The following RTTN variants were observed in gnomAD, a reference collection of about 807,000 sequenced individuals.
RTTN encodes rotatin.
In RTTN, 182 loss-of-function variants were observed where a neutral mutation model predicts 269.2. The ratio of observed to expected loss-of-function variants is 0.68; its 90% CI spans 0.60 to 0.76. RTTN has a LOEUF of 0.76. RTTN is among the 30% of genes least tolerant of loss of function. RTTN has a pLI of 0.00. For missense variants in RTTN, 2,545 were observed against 2,608.6 expected, an observed-to-expected ratio of 0.98 and a Z score of 0.53; for synonymous variants, 1,006 against 963.5, an observed-to-expected ratio of 1.04 and a Z score of -0.82.
intron 37 of RTTN, 113 bp downstream of exon 37, chr18:70,057,629 A>G: frequency 1.4e-6 from 1 of 717,130 alleles, no homozygotes; most frequent in Non-Finnish European, 2.4e-6. Flanking sequence ...TCATCATACC[A>G]TGTATATTTT....
At chr18:70,180,971 A>C (rs1340865730) in intron 10 of RTTN, among the ~76,000 whole-genome samples, 1 of 152,240 alleles carries the variant, frequency 6.6e-6, no homozygotes, top group Non-Finnish European at 1.5e-5. Flanking sequence ...ATGTGAGTTA[A>C]AATAACTGTC....
intron 32 of RTTN, 145 bp from the exon 33 acceptor site, chr18:70,075,686 A>G (rs1362941275): frequency 3.4e-6 from 2 of 596,048 alleles, no homozygotes; most frequent in Non-Finnish European, 2.8e-6. Context: ...ACACAGTTAT[A>G]GCAGCCTGAC....
At chr18:70,093,304 G>A (rs988008140) in intron 28 of RTTN, among the ~76,000 whole-genome samples, 7 of 150,270 alleles carry the variant, frequency 4.7e-5, no homozygotes, top group South Asian at 2.1e-4. Flanking sequence ...GTACACAGTT[G>A]TAACTTAGAA....
intron 28 of RTTN, among the ~76,000 whole-genome samples, chr18:70,106,328 C>T (rs1028186553): frequency 1.3e-5 from 2 of 151,930 alleles, no homozygotes; most frequent in East Asian, 1.9e-4. Context: ...CTGAGCAACA[C>T]GGTAAACCCT....
intron 44 of RTTN, 146 bp downstream of exon 44, chr18:70,024,576 C>T (rs929455916): frequency 1.5e-5 from 10 of 686,322 alleles, no homozygotes; most frequent in African/African-American, 3.6e-5. Flanking sequence ...ATAATACCTA[C>T]GAGAAAGCTT....
At chr18:70,178,455 A>G (rs149666771) in intron 10 of RTTN, among the ~76,000 whole-genome samples, 2 of 152,324 alleles carry the variant, frequency 1.3e-5, no homozygotes, top group East Asian at 3.9e-4. Flanking sequence ...TCCATTTGAG[A>G]TGATGAAAAA....
intron 12 of RTTN, 126 bp downstream of exon 12, chr18:70,168,729 C>T: frequency 1.5e-6 from 1 of 668,034 alleles, no homozygotes. Context: ...GTATAATTGA[C>T]CCACTCAGGA....
At chr18:70,183,575 G>A (rs968741699) in intron 10 of RTTN, among the ~76,000 whole-genome samples, 1 of 152,118 alleles carries the variant, frequency 6.6e-6, no homozygotes, top group African/African-American at 2.4e-5. Flanking sequence ...TTCTAGATCA[G>A]GGTTTCTCAA....
chr18:70,054,202 T>G lies in RTTN; in HGVS notation c.5114A>C (p.Gln1705Pro). The G allele has an allele frequency of 6.2e-7, 1 of 1,613,868 alleles. No homozygotes were observed. The highest frequency in any genetic ancestry group is 8.5e-7 in the Non-Finnish European group (1 of 1,179,820). ...CLLVEPDLVI[Q>P]DELVKPLITN... ...GATAAGAGGTTTCACAAGCTCATCC[T>G]GAATCACAAGGTCAGGCTCCACCAA... Residue 1705 changes from glutamine (Q) to proline (P), a missense_variant, in exon 38 of 49, where the codon CAG (glutamine) becomes CCG (proline). Coordinates refer to ENST00000640769, the MANE Select transcript of RTTN (RefSeq NM_173630.4).
At chr18:70,070,450 T>A (rs75961626) in intron 34 of RTTN, among the ~76,000 whole-genome samples, 2,939 of 152,300 alleles carry the variant, frequency 0.019, 94 homozygotes, top group African/African-American at 0.065. Flanking sequence ...GTCAAAACTA[T>A]TTTTCTTTTA....
intron 43 of RTTN, among the ~76,000 whole-genome samples, chr18:70,026,049 C>T (rs2056843659): frequency 6.6e-6 from 1 of 152,192 alleles, no homozygotes; most frequent in Non-Finnish European, 1.5e-5. Flanking sequence ...ATTATTAATG[C>T]CACTATTCAT....
At chr18:70,039,601 G>A (rs1363579488) in intron 40 of RTTN, among the ~76,000 whole-genome samples, 1 of 152,168 alleles carries the variant, frequency 6.6e-6, no homozygotes, top group East Asian at 1.9e-4. Context: ...TCGTGAGCAA[G>A]AAGAAATCAT....
At chr18:70,032,588 A>G (rs2057048666) in intron 40 of RTTN, among the ~76,000 whole-genome samples, 1 of 152,248 alleles carries the variant, frequency 6.6e-6, no homozygotes, top group African/African-American at 2.4e-5. Flanking sequence ...AAAGAAGGGC[A>G]TTACAAATAG....
At chr18:70,153,343 T>G (rs1367515290) in intron 14 of RTTN, among the ~76,000 whole-genome samples, 2 of 152,046 alleles carry the variant, frequency 1.3e-5, no homozygotes, top group African/African-American at 2.4e-5. Context: ...TTTAAGGAAT[T>G]TTTCTTAATT....
intron 21 of RTTN, chr18:70,138,904 A>G (rs1442604007): frequency 6.6e-6 from 1 of 152,218 alleles, no homozygotes; most frequent in Admixed American, 6.5e-5. Context: ...CAGCACATTC[A>G]GATGATTCTA....
chr18:70,173,828 A>T (rs1046568326), intron 11 of RTTN, among the ~76,000 whole-genome samples: 1 of 152,374 alleles, frequency 6.6e-6, no homozygotes, highest in African/African-American at 2.4e-5. Flanking sequence ...GACTTCATAC[A>T]ATGGAATATT....
At chr18:70,011,324 G>A (rs1239680339) in intron 46 of RTTN, among the ~76,000 whole-genome samples, 3 of 152,044 alleles carry the variant, frequency 2.0e-5, no homozygotes, top group African/African-American at 7.2e-5. Context: ...GATGAACATC[G>A]ATGCAAAAAT....
chr18:70,062,525 T>C (rs1180416793), intron 35 of RTTN, among the ~76,000 whole-genome samples: 1 of 152,110 alleles, frequency 6.6e-6, no homozygotes, highest in Non-Finnish European at 1.5e-5. Flanking sequence ...AAACTATAAA[T>C]ACTCTTTATC....
At chr18:70,199,542 T>G in intron 4 of RTTN, 38 bp from the exon 5 acceptor site, 1 of 1,343,596 alleles carries the variant, frequency 7.4e-7, no homozygotes, top group Non-Finnish European at 1.1e-6. Context: ...TATCAAAGAA[T>G]AAAGAGATGA....
Sources: gnomAD v4.1 joint callset for allele counts (sites outside exome capture counted in the v4.1 genomes callset) on GRCh38, gnomAD v4.1.1 for gene constraint, MANE v1.5 for transcripts, NCBI Gene and HGNC (gene_info 2026-07-23, HGNC 2026-07-21) for gene names.